SYCP1: variants seen among roughly 807,000 people sequenced by gnomAD.
SYCP1 encodes the protein synaptonemal complex protein 1, also known as cancer/testis antigen 8.
Under a neutral mutation model 153.1 loss-of-function variants are expected in SYCP1, and 64 were observed. That is an observed-to-expected ratio of 0.42 (90% CI 0.34 to 0.51). The LOEUF (loss-of-function observed/expected upper bound fraction) is 0.51. SYCP1 is among the 20% of genes least tolerant of loss of function. The pLI, the probability that SYCP1 is intolerant of heterozygous loss-of-function variation, is 0.06. For synonymous variants in SYCP1, 384 were observed against 341.8 expected, an observed-to-expected ratio of 1.12 and a Z score of -1.36; for missense variants, 997 against 1,049.0, an observed-to-expected ratio of 0.95 and a Z score of 0.68.
intron 29 of SYCP1, among the ~76,000 whole-genome samples, chr1:114,983,999 A>C (rs1295350989): frequency 6.6e-6 from 1 of 151,940 alleles, no homozygotes; most frequent in Admixed American, 6.6e-5. Flanking sequence ...CTCCTGGCTC[A>C]AGCAATTCTC....
At chr1:114,891,013 C>T (rs1437307406) in intron 15 of SYCP1, among the ~76,000 whole-genome samples, 1 of 152,068 alleles carries the variant, frequency 6.6e-6, no homozygotes, top group Admixed American at 6.5e-5. Context: ...CCCCATTTGT[C>T]CTAATCTTTA....
At chr1:114,955,613 C>T (rs1330535492) in intron 27 of SYCP1, among the ~76,000 whole-genome samples, 2 of 152,276 alleles carry the variant, frequency 1.3e-5, no homozygotes, top group South Asian at 4.1e-4. Flanking sequence ...TCACCATTAA[C>T]CCACTCTTAT....
Position 114,903,506 on chromosome 1 carries a change from G to A in SYCP1, c.1321-6891G>A, listed in dbSNP as rs568473835. 3.9e-5 allele frequency among the ~76,000 whole-genome samples: 6 copies of A among 152,318 alleles called. No individual in the cohort carries two copies. In the South Asian group the frequency reaches 1.2e-3, roughly 32 times the overall value. ...ACATGCTAAGATTCTTTTCATGGGAGGGAGTATGGTGAGTACATGATGAAG... is the reference window on the plus strand; with the variant it reads ...ACATGCTAAGATTCTTTTCATGGGAAGGAGTATGGTGAGTACATGATGAAG... On this transcript the variant is annotated intron_variant, in intron 16 of 31. Transcript: ENST00000369522.
intron 23 of SYCP1, among the ~76,000 whole-genome samples, chr1:114,932,176 ATATTCT>A (rs1451133739): frequency 2.0e-5 from 3 of 152,200 alleles, no homozygotes; most frequent in Non-Finnish European, 2.9e-5. Flanking sequence ...AAAGAAAGCA[ATATTCT>A]TAACATGTCA....
chr1:114,933,210 G>A (rs1159474643), intron 23 of SYCP1, among the ~76,000 whole-genome samples: 3 of 152,288 alleles, frequency 2.0e-5, no homozygotes, highest in East Asian at 1.9e-4. Flanking sequence ...CCAGAGGAAC[G>A]ATCAGGCAGC....
chr1:114,976,165 A>G (rs1013683499), intron 27 of SYCP1, among the ~76,000 whole-genome samples: 1 of 151,790 alleles, frequency 6.6e-6, no homozygotes, highest in Admixed American at 6.6e-5. Context: ...AGGATGCAGT[A>G]TGTATTTGTG....
At chr1:114,950,011 TGATA>T (rs1670989449) in intron 27 of SYCP1, among the ~76,000 whole-genome samples, 1 of 152,196 alleles carries the variant, frequency 6.6e-6, no homozygotes, top group African/African-American at 2.4e-5. Context: ...TTTGGGCTTG[TGATA>T]GATTGTTTTA....
intron 8 of SYCP1, among the ~76,000 whole-genome samples, chr1:114,867,478 G>A (rs1017861821): frequency 1.3e-5 from 2 of 152,058 alleles, no homozygotes; most frequent in African/African-American, 4.8e-5. Flanking sequence ...TGTTTTGTTA[G>A]ATTTGTACCT....
At chr1:114,888,869 A>T (rs1260545059) in intron 15 of SYCP1, among the ~76,000 whole-genome samples, 1 of 106,004 alleles carries the variant, frequency 9.4e-6, no homozygotes, top group Non-Finnish European at 1.9e-5. Context: ...CCCACCCCGC[A>T]ACAGGTCCTG....
In SYCP1 at chr1:114,909,892, T is replaced by C. The variant is rs969369895; in HGVS notation, c.1321-505T>C. Among the ~76,000 whole-genome samples the C allele has an allele frequency of 3.9e-5, 6 of 152,302 alleles. No individual in the cohort carries two copies. The East Asian group carries it at 1.2e-3, about 29-fold the overall frequency. ...TTTCTTGTTTTTAGGTTCGCCCTAC[T>C]TAAGCTTTCTTCTGCACTATTGCTA... On this transcript the variant is annotated intron_variant, in intron 16 of 31. Transcript: ENST00000369522.
At chr1:114,951,414 A>G (rs1671098467) in intron 27 of SYCP1, among the ~76,000 whole-genome samples, 1 of 152,220 alleles carries the variant, frequency 6.6e-6, no homozygotes, top group South Asian at 2.1e-4. Flanking sequence ...ATCGGAAAAA[A>G]TAATTTGAAA....
chr1:114,970,375 G>A (rs533029345), intron 27 of SYCP1, among the ~76,000 whole-genome samples: 1 of 151,946 alleles, frequency 6.6e-6, no homozygotes, highest in Non-Finnish European at 1.5e-5. Flanking sequence ...GCCTCCTTGA[G>A]TAGCTTAATA....
At chr1:114,893,313 G>C (rs1036003550) in intron 15 of SYCP1, among the ~76,000 whole-genome samples, 2 of 151,510 alleles carry the variant, frequency 1.3e-5, no homozygotes, top group African/African-American at 4.9e-5. Flanking sequence ...ATCTGTATCT[G>C]TATCTCTATC....
chr1:114,986,184 A>G (rs1193343258), intron 30 of SYCP1, among the ~76,000 whole-genome samples: 1 of 152,016 alleles, frequency 6.6e-6, no homozygotes, highest in African/African-American at 2.4e-5. Flanking sequence ...TCCAGTTTAC[A>G]GATGAGGAAA....
chr1:114,994,837 A>G (rs1283788466), intron 31 of SYCP1, 45 bp from the exon 32 acceptor site: 2 of 1,574,376 alleles, frequency 1.3e-6, no homozygotes, highest in South Asian at 1.2e-5. Flanking sequence ...GCTGCACTTA[A>G]AAAATTAAAC....
intron 23 of SYCP1, among the ~76,000 whole-genome samples, chr1:114,928,549 G>A (rs917759141): frequency 6.6e-6 from 1 of 152,158 alleles, no homozygotes; most frequent in African/African-American, 2.4e-5. Flanking sequence ...ACTGATCAAT[G>A]AAAAGCACTG....
intron 16 of SYCP1, among the ~76,000 whole-genome samples, chr1:114,904,077 T>G (rs999162913): frequency 2.6e-5 from 4 of 152,116 alleles, no homozygotes; most frequent in African/African-American, 9.7e-5. Flanking sequence ...TTCTAGTTCC[T>G]TTACATTTCC....
At chr1:114,913,627 A>G (rs943202524) in intron 19 of SYCP1, among the ~76,000 whole-genome samples, 4 of 152,086 alleles carry the variant, frequency 2.6e-5, no homozygotes, top group Admixed American at 6.6e-5. Flanking sequence ...CTTCTGAGAG[A>G]ATATAGCATT....
intron 2 of SYCP1, among the ~76,000 whole-genome samples, 178 bp from the exon 3 acceptor site, chr1:114,856,394 AT>A (rs958051519): frequency 5.9e-5 from 9 of 152,230 alleles, no homozygotes; most frequent in African/African-American, 2.2e-4. Context: ...TCTAATTAGA[AT>A]TTTTTCTTTG....
Sources: gnomAD v4.1 joint callset for allele counts (sites outside exome capture counted in the v4.1 genomes callset) on GRCh38, gnomAD v4.1.1 for gene constraint, MANE v1.5 for transcripts, NCBI Gene and HGNC (gene_info 2026-07-23, HGNC 2026-07-21) for gene names.